Variants in AFF3 observed in about 807,000 individuals in gnomAD.
AFF3 encodes the protein AF4/FMR2 family member 3.
In AFF3, 32 loss-of-function variants were observed where a neutral mutation model predicts 129.7. The observed-to-expected ratio is 0.25, with a 90% CI of 0.19 to 0.33. The LOEUF is 0.33. AFF3 is among the 10% of genes least tolerant of loss of function. AFF3 has a pLI of 1.00. For synonymous variants in AFF3, 644 were observed against 635.4 expected, an observed-to-expected ratio of 1.01 and a Z score of -0.20; for missense variants, 1,373 against 1,592.0, an observed-to-expected ratio of 0.86 and a Z score of 2.34.
chr2:99,905,518 T>C (rs1338985967), intron 7 of AFF3, among the ~76,000 whole-genome samples: 3 of 152,222 alleles, frequency 2.0e-5, no homozygotes, highest in Non-Finnish European at 4.4e-5. Flanking sequence ...CTGGTTATTG[T>C]AAAATGCCAA....
chr2:99,981,619 C>T (rs1312984452), intron 7 of AFF3, among the ~76,000 whole-genome samples: 1 of 152,108 alleles, frequency 6.6e-6, no homozygotes, highest in East Asian at 1.9e-4. Context: ...TATTCATTTT[C>T]CTACATGTTT....
intron 8 of AFF3, among the ~76,000 whole-genome samples, chr2:99,801,404 G>A (rs1685935020): frequency 6.6e-6 from 1 of 152,092 alleles, no homozygotes; most frequent in Non-Finnish European, 1.5e-5. Context: ...CATTAACCTG[G>A]TCTTCAGTGC....
intron 8 of AFF3, among the ~76,000 whole-genome samples, chr2:99,766,201 G>C (rs1682999837): frequency 6.6e-6 from 1 of 152,244 alleles, no homozygotes. Context: ...CAGGATCAAA[G>C]TTCCCGGTCA....
At chr2:99,867,275 A>C (rs1691490998) in intron 7 of AFF3, among the ~76,000 whole-genome samples, 1 of 152,138 alleles carries the variant, frequency 6.6e-6, no homozygotes, top group Admixed American at 6.5e-5. Flanking sequence ...ATTTGCTTCG[A>C]AGGATCCTTC....
intron 8 of AFF3, among the ~76,000 whole-genome samples, chr2:99,808,390 T>C (rs1686519647): frequency 6.6e-6 from 1 of 152,366 alleles, no homozygotes; most frequent in African/African-American, 2.4e-5. Context: ...CATTATTCAC[T>C]GGATTCACCA....
At chr2:99,763,789 G>C (rs1365789136) in intron 8 of AFF3, among the ~76,000 whole-genome samples, 1 of 152,148 alleles carries the variant, frequency 6.6e-6, no homozygotes, top group Non-Finnish European at 1.5e-5. Flanking sequence ...GCAAAATCTT[G>C]TTTCTTCAAT....
chr2:99,575,297 T>C (rs1054825170), intron 18 of AFF3, among the ~76,000 whole-genome samples: 1 of 152,194 alleles, frequency 6.6e-6, no homozygotes, highest in African/African-American at 2.4e-5. Context: ...TTCACTCTTG[T>C]TGCCCAGATT....
intron 9 of AFF3, among the ~76,000 whole-genome samples, chr2:99,747,050 T>C (rs903025800): frequency 2.6e-5 from 4 of 151,930 alleles, no homozygotes; most frequent in Non-Finnish European, 4.4e-5. Context: ...TATTTAGAGA[T>C]GGAGTTTTGC....
intron 7 of AFF3, among the ~76,000 whole-genome samples, chr2:99,938,806 C>A (rs571972158): frequency 6.6e-6 from 1 of 152,182 alleles, no homozygotes; most frequent in South Asian, 2.1e-4. Context: ...TGAACCAATT[C>A]TTTAATATGA....
chr2:99,891,625 C>T (rs1444769693), intron 7 of AFF3, among the ~76,000 whole-genome samples: 2 of 152,166 alleles, frequency 1.3e-5, no homozygotes, highest in African/African-American at 4.8e-5. Flanking sequence ...TGGAGGACAG[C>T]TGCAGATGGA....
rs1233168122 is a variant in AFF3, at chr2:99,714,952, A to G, written c.1091+12125T>C. On this transcript the variant is annotated intron_variant, in intron 11 of 24. Coordinates refer to ENST00000672756, the MANE Select transcript of AFF3 (RefSeq NM_001386135.1). ...CTCCAAGTTGCACATTATGTACCTGAAAGAGCCTCTGGGCATCATCCAGAC... is the reference window on the plus strand; with the variant it reads ...CTCCAAGTTGCACATTATGTACCTGGAAGAGCCTCTGGGCATCATCCAGAC... 3.3e-5 allele frequency among the ~76,000 whole-genome samples: 5 copies of G among 152,220 alleles called. No individual in the cohort carries two copies. The East Asian group carries it at 9.6e-4, about 29-fold the overall frequency.
At chr2:99,956,720 C>T (rs1290197211) in intron 7 of AFF3, among the ~76,000 whole-genome samples, 1 of 152,144 alleles carries the variant, frequency 6.6e-6, no homozygotes, top group Non-Finnish European at 1.5e-5. Context: ...CATGACAGAA[C>T]ATTTCAGCAA....
Position 99,732,994 on chromosome 2 carries a change from G to A in AFF3, c.1040-5866C>T, listed in dbSNP as rs555821293. Among the ~76,000 whole-genome samples the A allele has an allele frequency of 3.0e-4, 46 of 152,104 alleles. No individual in the cohort carries two copies. The East Asian group carries it at 7.0e-3, about 23-fold the overall frequency. On this transcript the variant is annotated intron_variant, in intron 10 of 24. Transcript: ENST00000672756. ...GTCATTTCTTAAAAATTATTTTTTAGTATTAATTTCTTATTCATAGAAACA... is the reference window on the plus strand; with the variant it reads ...GTCATTTCTTAAAAATTATTTTTTAATATTAATTTCTTATTCATAGAAACA...
chr2:99,565,414 T>C, intron 20 of AFF3, 73 bp downstream of exon 20: 2 of 1,571,668 alleles, frequency 1.3e-6, no homozygotes, highest in South Asian at 1.2e-5. Context: ...CTGACATTCT[T>C]TTCTCTGTAA....
intron 4 of AFF3, among the ~76,000 whole-genome samples, chr2:100,081,808 A>G (rs551657276): frequency 3.3e-5 from 5 of 152,330 alleles, no homozygotes; most frequent in African/African-American, 1.2e-4. Context: ...TAGACAGGAT[A>G]GTGTCCCCAT....
chr2:100,118,293 G>T (rs987260379), intron 2 of AFF3, among the ~76,000 whole-genome samples: 10 of 152,200 alleles, frequency 6.6e-5, no homozygotes, highest in Non-Finnish European at 1.2e-4. Context: ...TTCACAGGAT[G>T]CCTGCAAACT....
At chr2:99,858,382 C>CAAAAAAAAA (rs34454669) in intron 7 of AFF3, among the ~76,000 whole-genome samples, 17 of 82,428 alleles carry the variant, frequency 2.1e-4, no homozygotes, top group Non-Finnish European at 4.1e-4. Context: ...CCTGTTTCTA[C>CAAAAAAAAA]AAAAAAAAAA....
chr2:99,601,668 G>A (rs1252702131), intron 13 of AFF3, 47 bp from the exon 14 acceptor site: 2 of 1,564,446 alleles, frequency 1.3e-6, no homozygotes, highest in Admixed American at 1.7e-5. Context: ...GGAAAGCCAA[G>A]TGAGCAAACA....
chr2:99,855,672 A>G (rs191334348), intron 7 of AFF3, among the ~76,000 whole-genome samples: 3 of 152,340 alleles, frequency 2.0e-5, no homozygotes, highest in Admixed American at 2.0e-4. Context: ...TATCTTGCGC[A>G]TAAGAATTAA....
Sources: allele counts gnomAD v4.1 joint callset (sites outside exome capture counted in the v4.1 genomes callset), GRCh38; gene constraint gnomAD v4.1.1; transcripts MANE v1.5; gene names NCBI Gene and HGNC (gene_info 2026-07-23, HGNC 2026-07-21).